TDRD10: variants seen among roughly 807,000 people sequenced by gnomAD.
TDRD10 encodes tudor domain-containing protein 10.
A neutral mutation model predicts 48.0 loss-of-function variants in TDRD10; 40 were observed. That is an observed-to-expected ratio of 0.83 (90% CI 0.65 to 1.09). The LOEUF (loss-of-function observed/expected upper bound fraction) is 1.09. Ranked by LOEUF, TDRD10 falls within the 50% of genes least tolerant of loss-of-function variation. The pLI, the probability that TDRD10 is intolerant of heterozygous loss-of-function variation, is 0.00. For synonymous variants in TDRD10, 162 were observed against 170.4 expected (o/e 0.95, Z 0.38); for missense variants, 378 against 434.7 (o/e 0.87, Z 1.16).
chr1:154,533,752 A>G (rs930533381), intron 6 of TDRD10, among the ~76,000 whole-genome samples: 2 of 151,966 alleles, frequency 1.3e-5, no homozygotes, highest in Admixed American at 1.3e-4. Flanking sequence ...GTCCTGCCTC[A>G]GCCTCGTGAG....
rs1695685544 is a variant in TDRD10, at chr1:154,547,698, A to G, written c.1044A>G (p.Glu348=). The G allele has an allele frequency of 1.9e-6, 3 of 1,613,778 alleles. No homozygotes were observed. The highest frequency in any genetic ancestry group is 2.5e-6 in the Non-Finnish European group (3 of 1,179,906). ...TCCAGTTGCACATCCTAAAGTTTGA[A>G]GAGTCTAAATAACGGGGCTTCCCTC... The part of the protein sequence containing the change: ...LNSALHILKF[E]ESK Residue 348 remains glutamate, a synonymous_variant, in exon 13 of 13, where the codon GAA becomes GAG. Coordinates refer to ENST00000368482, the MANE Select transcript of TDRD10 (RefSeq NM_182499.4).
chr1:154,503,703 G>A (rs1182119047), intron 1 of TDRD10, among the ~76,000 whole-genome samples: 1 of 152,214 alleles, frequency 6.6e-6, no homozygotes, highest in Non-Finnish European at 1.5e-5. Flanking sequence ...TGCTGAAGGG[G>A]CTGACCAACA....
In TDRD10 at chr1:154,521,306, C is replaced by T. The variant is rs931912013; in HGVS notation, c.213-17C>T. 3 of 1,613,586 alleles carry T rather than the reference C, an allele frequency of 1.9e-6. No individual in the cohort carries two copies. The highest frequency in any genetic ancestry group is 1.1e-5 in the South Asian group (1 of 90,986). The stretch of plus-strand genomic sequence containing the variant: ...GGAGATGTGCTCAAAGCCTCCCTCT[C>T]TCTCTTCCCTTTTCAGCTTTGCATT... On this transcript the variant is annotated splice_polypyrimidine_tract_variant and intron_variant, in intron 5 of 12. Coordinates refer to ENST00000368482, the MANE Select transcript of TDRD10 (RefSeq NM_182499.4).
intron 4 of TDRD10, among the ~76,000 whole-genome samples, chr1:154,511,184 A>G (rs1045235899): frequency 4.6e-5 from 7 of 152,100 alleles, no homozygotes; most frequent in African/African-American, 1.7e-4. Flanking sequence ...AGCTCACTAC[A>G]GCCTCTGCCC....
chr1:154,507,157 A>AG, intron 2 of TDRD10, 84 bp from the exon 3 acceptor site: 1 of 1,568,506 alleles, frequency 6.4e-7, no homozygotes, highest in African/African-American at 1.4e-5. Flanking sequence ...GGTTTATGCA[A>AG]GGCCCCTCTG....
chr1:154,509,819 A>C (rs1693348920), intron 4 of TDRD10: 1 of 985,378 alleles, frequency 1.0e-6, no homozygotes, highest in Non-Finnish European at 1.2e-6. Flanking sequence ...GTTACTTGAC[A>C]GTGAAGTGGG....
intron 4 of TDRD10, among the ~76,000 whole-genome samples, chr1:154,510,453 A>G (rs963830249): frequency 2.6e-5 from 4 of 151,730 alleles, no homozygotes; most frequent in Non-Finnish European, 4.4e-5. Context: ...TTAGACGGGT[A>G]TGGTGGTGGG....
chr1:154,503,957 A>G (rs2149306491), intron 1 of TDRD10, among the ~76,000 whole-genome samples: 1 of 152,334 alleles, frequency 6.6e-6, no homozygotes, highest in Admixed American at 6.5e-5. Context: ...TTTACAGTAC[A>G]ACCATCGCAA....
At chr1:154,545,289 A>C (rs770975877) in intron 11 of TDRD10, among the ~76,000 whole-genome samples, 2 of 152,128 alleles carry the variant, frequency 1.3e-5, no homozygotes, top group Non-Finnish European at 2.9e-5. Flanking sequence ...GTTGCTTCAG[A>C]TTTCACTGGA....
intron 6 of TDRD10, among the ~76,000 whole-genome samples, chr1:154,523,326 C>T (rs560021464): frequency 5.3e-5 from 8 of 152,328 alleles, no homozygotes; most frequent in African/African-American, 1.9e-4. Flanking sequence ...TCTGCGCTGT[C>T]CCCCAGTCTT....
Position 154,547,739 on chromosome 1 carries a change from C to A in TDRD10, c.*29C>A, listed in dbSNP as rs1203149608. 4 of 1,612,446 alleles carry A rather than the reference C, an allele frequency of 2.5e-6. No homozygotes were observed. The South Asian group carries it at 4.4e-5, about 18-fold the overall frequency. On this transcript the variant is annotated 3_prime_UTR_variant, in exon 13 of 13. Coordinates refer to ENST00000368482, the MANE Select transcript of TDRD10 (RefSeq NM_182499.4). ...GGCTTCCCTCAGCATGTTCCCTCTC[C>A]TGTTTGCCACGGATCCAGAGGCCAC...
intron 1 of TDRD10, among the ~76,000 whole-genome samples, chr1:154,504,593 T>A (rs6662503): frequency 0.78 from 118,973 of 152,184 alleles, 47,322 homozygotes; most frequent in East Asian, 0.92. Flanking sequence ...AAGTGTTATC[T>A]TTGTGGTTTT....
chr1:154,520,029 G>T (rs993380802), intron 4 of TDRD10, among the ~76,000 whole-genome samples: 1 of 152,214 alleles, frequency 6.6e-6, no homozygotes, highest in East Asian at 1.9e-4. Context: ...ATGACAGGCC[G>T]TGTGCGCCCA....
chr1:154,525,861 A>T (rs1694283537), intron 6 of TDRD10, among the ~76,000 whole-genome samples: 1 of 136,572 alleles, frequency 7.3e-6, no homozygotes, highest in Non-Finnish European at 1.5e-5. Flanking sequence ...GTGCCACTGC[A>T]CTCCAGCCTG....
intron 7 of TDRD10, 67 bp downstream of exon 7, chr1:154,542,133 C>A: frequency 1.3e-6 from 2 of 1,541,366 alleles, no homozygotes; most frequent in Non-Finnish European, 1.8e-6. Flanking sequence ...CCTCTTCCAG[C>A]CCCTTCTGCA....
At chr1:154,504,170 G>A (rs967442340) in intron 1 of TDRD10, among the ~76,000 whole-genome samples, 1 of 152,184 alleles carries the variant, frequency 6.6e-6, no homozygotes, top group Non-Finnish European at 1.5e-5. Context: ...TCATTTTTCA[G>A]ATTCATCCAG....
At chr1:154,506,586 G>T (rs1298873673) in intron 1 of TDRD10, among the ~76,000 whole-genome samples, 1 of 152,152 alleles carries the variant, frequency 6.6e-6, no homozygotes, top group Non-Finnish European at 1.5e-5. Context: ...ATGTTGGCCA[G>T]GCTGGTCTCG....
At chr1:154,543,118 A>T (rs1695341333) in intron 8 of TDRD10, among the ~76,000 whole-genome samples, 1 of 152,056 alleles carries the variant, frequency 6.6e-6, no homozygotes, top group Admixed American at 6.6e-5. Flanking sequence ...TCTACTAAAA[A>T]TAAAAAATTA....
intron 6 of TDRD10, among the ~76,000 whole-genome samples, chr1:154,532,368 G>A (rs1269377495): frequency 7.9e-5 from 12 of 152,144 alleles, no homozygotes; most frequent in Non-Finnish European, 1.3e-4. Context: ...GGGCCGCTCT[G>A]AGTGCGGCCC....
Sources: gnomAD v4.1 joint callset for allele counts (sites outside exome capture counted in the v4.1 genomes callset) on GRCh38, gnomAD v4.1.1 for gene constraint, MANE v1.5 for transcripts, NCBI Gene and HGNC (gene_info 2026-07-23, HGNC 2026-07-21) for gene names.